CACNA1D: variants seen among roughly 807,000 people sequenced by gnomAD.
The protein encoded by CACNA1D is voltage-dependent L-type calcium channel subunit alpha-1D.
A neutral mutation model predicts 257.1 loss-of-function variants in CACNA1D; 55 were observed. The observed-to-expected ratio is 0.21, with a 90% CI of 0.17 to 0.27. CACNA1D has a LOEUF of 0.27. CACNA1D is among the 10% of genes least tolerant of loss of function. CACNA1D has a pLI of 1.00. For missense variants in CACNA1D, 1,876 were observed against 2,784.0 expected (o/e 0.67, Z 7.34); for synonymous variants, 980 against 1,014.9 (o/e 0.97, Z 0.65).
rs373242668 is a variant in CACNA1D, at chr3:53,574,503, A to G, written c.483+72783A>G. 7.9e-5 allele frequency among the ~76,000 whole-genome samples: 12 copies of G among 152,304 alleles called. No homozygotes were observed. The East Asian group carries it at 1.9e-3, about 24-fold the overall frequency. ...ATGTTGTGTTGGATCAAAACCATTGACTATGAAATTCTCCCAGATGGATGA... is the reference window on the plus strand; with the variant it reads ...ATGTTGTGTTGGATCAAAACCATTGGCTATGAAATTCTCCCAGATGGATGA... On this transcript the variant is annotated intron_variant, in intron 3 of 47. Coordinates refer to ENST00000350061, the MANE Select transcript of CACNA1D (RefSeq NM_001128840.3).
intron 3 of CACNA1D, among the ~76,000 whole-genome samples, chr3:53,520,035 A>G (rs1456629640): frequency 6.6e-6 from 1 of 152,208 alleles, no homozygotes; most frequent in Admixed American, 6.5e-5. Flanking sequence ...ACATTTATTT[A>G]TCTCTTCATC....
intron 20 of CACNA1D, among the ~76,000 whole-genome samples, chr3:53,739,929 G>A (rs550224021): frequency 1.7e-3 from 260 of 152,350 alleles, no homozygotes; most frequent in Non-Finnish European, 3.0e-3. Context: ...ATGTGTATAA[G>A]CCTCTAATTT....
At chr3:53,570,597 AT>A (rs2092925765) in intron 3 of CACNA1D, among the ~76,000 whole-genome samples, 1 of 152,254 alleles carries the variant, frequency 6.6e-6, no homozygotes, top group Admixed American at 6.5e-5. Context: ...TAGGGAAAGG[AT>A]TGTCAATGGT....
At chr3:53,623,154 C>T (rs2093717430) in intron 3 of CACNA1D, among the ~76,000 whole-genome samples, 2 of 152,254 alleles carry the variant, frequency 1.3e-5, no homozygotes, top group South Asian at 4.1e-4. Flanking sequence ...TTCCGAAGTG[C>T]TGGGATTACA....
chr3:53,810,608 A>G, intron 47 of CACNA1D: 1 of 392,332 alleles, frequency 2.5e-6, no homozygotes, highest in Non-Finnish European at 4.9e-6. Context: ...AAATACAAAA[A>G]TTAGCCGGGC....
intron 19 of CACNA1D, 50 bp downstream of exon 19, chr3:53,733,012 T>TCAAGCAACCTGTAGGGTC: frequency 6.2e-7 from 1 of 1,602,428 alleles, no homozygotes. Context: ...CCAGTGACCC[T>TCAAGCAACCTGTAGGGTC]ACAGGTTGCT....
chr3:53,548,323 C>A (rs567910899), intron 3 of CACNA1D, among the ~76,000 whole-genome samples: 102 of 143,872 alleles, frequency 7.1e-4, no homozygotes, highest in African/African-American at 2.3e-3. Context: ...AGTGCTAAAG[C>A]TGAATTGTAT....
chr3:53,558,741 C>T (rs1328437829), intron 3 of CACNA1D, among the ~76,000 whole-genome samples: 2 of 152,092 alleles, frequency 1.3e-5, no homozygotes, highest in African/African-American at 2.4e-5. Context: ...TAATTCAAAT[C>T]ATTCTTCTCT....
chr3:53,523,481 A>C (rs2091653333), intron 3 of CACNA1D, among the ~76,000 whole-genome samples: 1 of 152,252 alleles, frequency 6.6e-6, no homozygotes, highest in Non-Finnish European at 1.5e-5. Flanking sequence ...ATTGACCAAG[A>C]ATCATAGCAA....
At chr3:53,735,068 T>C (rs1222493327) in intron 19 of CACNA1D, among the ~76,000 whole-genome samples, 2 of 152,204 alleles carry the variant, frequency 1.3e-5, no homozygotes, top group Non-Finnish European at 2.9e-5. Flanking sequence ...TAGAATTCTC[T>C]TATTAAGCCT....
rs1195032388 is a variant in CACNA1D at position 53,521,784 on chromosome 3, A to AATT, written c.483+20065_483+20066insTTA. On this transcript the variant is annotated intron_variant, in intron 3 of 47. Coordinates refer to ENST00000350061, the MANE Select transcript of CACNA1D (RefSeq NM_001128840.3). ...GTAGTCACTGGCCACATGTCATTATAAGAACTTAAACTAATTAAAATTAAA... is the reference window on the plus strand; with the variant it reads ...GTAGTCACTGGCCACATGTCATTATAATTAGAACTTAAACTAATTAAAATTAAA... Among the ~76,000 whole-genome samples the AATT allele has an allele frequency of 7.3e-3, 1,106 of 152,270 alleles. 9 individuals are homozygous for AATT. The highest frequency in any genetic ancestry group is 0.025 in the African/African-American group (1,040 of 41,550).
At chr3:53,681,094 C>T (rs1170452211) in intron 8 of CACNA1D, among the ~76,000 whole-genome samples, 1 of 152,210 alleles carries the variant, frequency 6.6e-6, no homozygotes, top group Non-Finnish European at 1.5e-5. Flanking sequence ...TGTTCCTGCC[C>T]TGGTGTGTGA....
chr3:53,507,647 G>GT (rs2090912853), intron 3 of CACNA1D, among the ~76,000 whole-genome samples: 1 of 152,030 alleles, frequency 6.6e-6, no homozygotes, highest in African/African-American at 2.4e-5. Flanking sequence ...AAGAATTTAG[G>GT]TTTTTTACTA....
rs189369962 is a variant in CACNA1D at position 53,674,800 on chromosome 3, G to A, written c.1220+1674G>A. Among the ~76,000 whole-genome samples, 694 of 152,314 alleles carry A rather than the reference G, an allele frequency of 4.6e-3. 3 individuals carry two copies. The highest frequency in any genetic ancestry group is 7.0e-3 in the Non-Finnish European group (477 of 68,022). Reference sequence around the variant, plus strand: ...GCAGGATACCAGGAGGCCAAGAGGGGCCCACGTCTCCCAGAGGAGCCTCTG... The same window carrying A: ...GCAGGATACCAGGAGGCCAAGAGGGACCCACGTCTCCCAGAGGAGCCTCTG... On this transcript the variant is annotated intron_variant, in intron 8 of 47. Transcript: ENST00000350061.
chr3:53,804,875 C>T, intron 44 of CACNA1D, 108 bp from the exon 45 acceptor site: 6 of 1,055,324 alleles, frequency 5.7e-6, no homozygotes, highest in South Asian at 3.8e-5. Context: ...GCCAATCCTA[C>T]TGTGTCCAAG....
At position 53,628,279 on chromosome 3, in the gene CACNA1D, A is replaced by G. The variant is rs117499639; in HGVS notation, c.484-22500A>G. Reference sequence around the variant, plus strand: ...GCTGTTCTCTCTGTGGTTATTTGTCAAAGTATGAGGGTAACTTCTTGTGGA... The same window carrying G: ...GCTGTTCTCTCTGTGGTTATTTGTCGAAGTATGAGGGTAACTTCTTGTGGA... On this transcript the variant is annotated intron_variant, in intron 3 of 47. Coordinates refer to ENST00000350061, the MANE Select transcript of CACNA1D (RefSeq NM_001128840.3). Among the ~76,000 whole-genome samples the G allele has an allele frequency of 4.5e-4, 68 of 152,248 alleles. No individual in the cohort carries two copies. The East Asian group carries it at 0.012, about 27-fold the overall frequency.
chr3:53,552,693 T>C (rs1267418609), intron 3 of CACNA1D, among the ~76,000 whole-genome samples: 1 of 152,214 alleles, frequency 6.6e-6, no homozygotes, highest in Non-Finnish European at 1.5e-5. Context: ...TCTCCTGGTA[T>C]CTTCTTTCTT....
intron 3 of CACNA1D, among the ~76,000 whole-genome samples, chr3:53,564,229 CA>C (rs1397420008): frequency 6.6e-6 from 1 of 152,068 alleles, no homozygotes; most frequent in African/African-American, 2.4e-5. Context: ...GGCATAATCT[CA>C]GCTCATTTCA....
chr3:53,795,294 CA>C (rs2095502521), intron 40 of CACNA1D, among the ~76,000 whole-genome samples: 2 of 152,240 alleles, frequency 1.3e-5, no homozygotes, highest in South Asian at 4.1e-4. Flanking sequence ...CTAGGGTAGT[CA>C]AAAGAGGGTT....
Sources: allele counts gnomAD v4.1 joint callset (sites outside exome capture counted in the v4.1 genomes callset), GRCh38; gene constraint gnomAD v4.1.1; transcripts MANE v1.5; gene names NCBI Gene and HGNC (gene_info 2026-07-23, HGNC 2026-07-21).